CNTNAP5: variants seen among roughly 807,000 people sequenced by gnomAD.
The protein encoded by CNTNAP5 is contactin associated protein family member 5.
CNTNAP5 carries 72 observed loss-of-function variants against 150.2 expected under a neutral mutation model. The ratio of observed to expected loss-of-function variants is 0.48; its 90% CI spans 0.40 to 0.58. The LOEUF is 0.58. Ranked by LOEUF, CNTNAP5 falls within the 20% of genes least tolerant of loss-of-function variation. The pLI is 0.00. For synonymous variants in CNTNAP5, 672 were observed against 619.8 expected, an observed-to-expected ratio of 1.08 and a Z score of -1.25; for missense variants, 1,636 against 1,626.2, an observed-to-expected ratio of 1.01 and a Z score of -0.10.
Position 124,902,962 on chromosome 2 carries a change from C to T in CNTNAP5, c.3517C>T (p.His1173Tyr), listed in dbSNP as rs773016362. 6.2e-7 allele frequency: 1 copy of T among 1,613,074 alleles called. No individual in the cohort carries two copies. Among genetic ancestry groups the T allele is most frequent in the Non-Finnish European group, 8.5e-7 (1 of 1,179,462 alleles). The change falls in exon 22 of 24, where the codon CAC becomes TAC. Residue 1173 changes from histidine (H) to tyrosine (Y), a missense_variant. His to Tyr is a moderately conservative substitution (Grantham distance 83). Coordinates refer to ENST00000682447, the MANE Select transcript of CNTNAP5 (RefSeq NM_001367498.1). Reference sequence around the variant, plus strand: ...ATGCATGTCTTCCGTCCAGTACAACCACATAGCACCACTGAAGGCTGCCCT... The same window carrying T: ...ATGCATGTCTTCCGTCCAGTACAACTACATAGCACCACTGAAGGCTGCCCT... The part of the protein sequence containing the change: ...AGCMSSVQYN[H>Y]IAPLKAALRH...
intron 19 of CNTNAP5, among the ~76,000 whole-genome samples, chr2:124,827,333 A>T (rs908977373): frequency 2.6e-5 from 4 of 152,104 alleles, no homozygotes; most frequent in Non-Finnish European, 2.9e-5. Flanking sequence ...TTCAGGATGG[A>T]TTCCCCTCAA....
chr2:124,837,328 T>C (rs1255466222), intron 19 of CNTNAP5, among the ~76,000 whole-genome samples: 1 of 152,094 alleles, frequency 6.6e-6, no homozygotes, highest in Non-Finnish European at 1.5e-5. Context: ...TTCTACTAAA[T>C]CTTGACTATG....
intron 3 of CNTNAP5, among the ~76,000 whole-genome samples, chr2:124,269,379 T>A (rs1363641145): frequency 1.3e-5 from 2 of 152,106 alleles, no homozygotes; most frequent in African/African-American, 4.8e-5. Flanking sequence ...GCTAGGTTTC[T>A]TTCTTTGGGG....
intron 8 of CNTNAP5, among the ~76,000 whole-genome samples, chr2:124,512,148 G>A (rs1180826938): frequency 2.0e-5 from 3 of 151,774 alleles, no homozygotes; most frequent in African/African-American, 7.3e-5. Context: ...ATAGCTAACG[G>A]TTGGTATATG....
intron 3 of CNTNAP5, among the ~76,000 whole-genome samples, chr2:124,299,824 G>A (rs993576570): frequency 1.7e-4 from 26 of 152,178 alleles, no homozygotes; most frequent in African/African-American, 6.0e-4. Flanking sequence ...TTCATCTAAA[G>A]CTTAGCCACC....
chr2:124,704,970 T>C (rs1457257947), intron 13 of CNTNAP5, among the ~76,000 whole-genome samples: 1 of 152,196 alleles, frequency 6.6e-6, no homozygotes, highest in Non-Finnish European at 1.5e-5. Flanking sequence ...TCCTATGTAG[T>C]CTTGCTGCTG....
At chr2:124,493,772 C>T (rs1436917550) in intron 7 of CNTNAP5, among the ~76,000 whole-genome samples, 1 of 151,844 alleles carries the variant, frequency 6.6e-6, no homozygotes, top group Admixed American at 6.6e-5. Context: ...TGGTACTTTC[C>T]CTTCACACAC....
intron 3 of CNTNAP5, among the ~76,000 whole-genome samples, chr2:124,265,437 C>T (rs376839208): frequency 4.6e-5 from 7 of 152,036 alleles, no homozygotes; most frequent in Non-Finnish European, 8.8e-5. Flanking sequence ...GGGTGCAAAT[C>T]GCCACTTTAA....
At chr2:124,302,600 C>T (rs1688592277) in intron 3 of CNTNAP5, among the ~76,000 whole-genome samples, 2 of 152,186 alleles carry the variant, frequency 1.3e-5, no homozygotes, top group African/African-American at 4.8e-5. Flanking sequence ...CGCAAAATAG[C>T]AGCATTGATC....
chr2:124,581,107 G>A (rs1279652293), intron 11 of CNTNAP5, among the ~76,000 whole-genome samples: 1 of 152,172 alleles, frequency 6.6e-6, no homozygotes, highest in African/African-American at 2.4e-5. Context: ...AGGGGAATAG[G>A]TGGATCACAA....
chr2:124,842,984 G>A (rs917697687), intron 19 of CNTNAP5, among the ~76,000 whole-genome samples: 3 of 151,856 alleles, frequency 2.0e-5, no homozygotes, highest in Non-Finnish European at 4.4e-5. Context: ...GGTGATTTCC[G>A]AGATTTTGGT....
chr2:124,123,013 G>A (rs954104511), intron 1 of CNTNAP5, among the ~76,000 whole-genome samples: 9 of 152,144 alleles, frequency 5.9e-5, no homozygotes, highest in East Asian at 3.9e-4. Flanking sequence ...TGCAGAAGAC[G>A]GGTGATTTCT....
In CNTNAP5 at chr2:124,446,912, C is replaced by T. The variant is rs375042758; in HGVS notation, c.893C>T (p.Thr298Met). ...HTQHFRTKGE[T>M]DALDIDYELS... ...CAGCACTTCCGCACCAAGGGCGAGA[C>T]GGATGCCTTAGACATTGACTATGAG... The change falls in exon 6 of 24, where the codon ACG (threonine) becomes ATG (methionine). Residue 298 changes from threonine to methionine, a missense_variant. Thr to Met is a moderately conservative substitution (Grantham distance 81, BLOSUM62 -1). Transcript: ENST00000682447. The T allele has an allele frequency of 1.2e-5, 20 of 1,613,588 alleles. No homozygotes were observed. Among genetic ancestry groups the T allele is most frequent in the Admixed American group, 5.0e-5 (3 of 59,992 alleles).
intron 3 of CNTNAP5, among the ~76,000 whole-genome samples, chr2:124,283,574 C>A (rs977520004): frequency 9.9e-5 from 15 of 152,146 alleles, no homozygotes; most frequent in Admixed American, 9.8e-4. Context: ...ACAATGGAAA[C>A]CTACTCTGTC....
intron 3 of CNTNAP5, among the ~76,000 whole-genome samples, chr2:124,385,480 T>C (rs1206713925): frequency 6.6e-6 from 1 of 152,196 alleles, no homozygotes; most frequent in Non-Finnish European, 1.5e-5. Flanking sequence ...TTTAAGTAGT[T>C]TAATCTGCAA....
intron 3 of CNTNAP5, among the ~76,000 whole-genome samples, chr2:124,317,855 C>T (rs1689006585): frequency 6.6e-6 from 1 of 152,258 alleles, no homozygotes. Flanking sequence ...GTGTGATACA[C>T]ATTATTATAT....
At chr2:124,285,330 C>T (rs1417305420) in intron 3 of CNTNAP5, among the ~76,000 whole-genome samples, 1 of 152,114 alleles carries the variant, frequency 6.6e-6, no homozygotes, top group Non-Finnish European at 1.5e-5. Flanking sequence ...GGCTGAGCTC[C>T]CTTTTCATAG....
chr2:124,676,257 T>C (rs1475384030), intron 13 of CNTNAP5, among the ~76,000 whole-genome samples: 2 of 152,246 alleles, frequency 1.3e-5, no homozygotes, highest in Non-Finnish European at 2.9e-5. Context: ...CACATCCTGC[T>C]TCTGCAAGTC....
chr2:124,027,062 A>G lies in CNTNAP5; in HGVS notation c.82+1330A>G, dbSNP rs550627052. 7.9e-5 allele frequency among the ~76,000 whole-genome samples: 12 copies of G among 152,360 alleles called. No homozygotes were observed. The East Asian group carries it at 2.3e-3, about 29-fold the overall frequency. On this transcript the variant is annotated intron_variant, in intron 1 of 23. Coordinates refer to ENST00000682447, the MANE Select transcript of CNTNAP5 (RefSeq NM_001367498.1). Reference sequence around the variant, plus strand: ...GATTGTATTAAAGTTTGTGTTCTACAGGAAGGCTAAAGGGATCATCCTCTC... The same window carrying G: ...GATTGTATTAAAGTTTGTGTTCTACGGGAAGGCTAAAGGGATCATCCTCTC...
Sources: allele counts gnomAD v4.1 joint callset (sites outside exome capture counted in the v4.1 genomes callset), GRCh38; gene constraint gnomAD v4.1.1; transcripts MANE v1.5; gene names NCBI Gene and HGNC (gene_info 2026-07-23, HGNC 2026-07-21).